Variants in NECAB3 observed in about 807,000 individuals in gnomAD.
The protein encoded by NECAB3 is N-terminal EF-hand calcium binding protein 3.
In NECAB3, 38 loss-of-function variants were observed where a neutral mutation model predicts 57.2. That is an observed-to-expected ratio of 0.66 (90% CI 0.51 to 0.87). The LOEUF is 0.87. NECAB3 is among the 40% of genes least tolerant of loss of function. NECAB3 has a pLI of 0.00. For missense variants in NECAB3, 474 were observed against 527.5 expected (o/e 0.90, Z 0.99); for synonymous variants, 223 against 222.6 (o/e 1.00, Z -0.02).
chr20:33,672,668 G>A (rs2017852913), intron 1 of NECAB3, among the ~76,000 whole-genome samples: 1 of 152,196 alleles, frequency 6.6e-6, no homozygotes. Flanking sequence ...GGCCTCGTGG[G>A]GGGTGCTCCT....
Position 33,667,078 on chromosome 20 carries a change from C to A in NECAB3, c.387+2297G>T, listed in dbSNP as rs1025193387. 8 of 169,704 alleles carry A rather than the reference C, an allele frequency of 4.7e-5. No homozygotes were observed. The East Asian group carries it at 1.1e-3, about 23-fold the overall frequency. 10.5% of individuals were successfully genotyped at this position (169,704 alleles called of 1,614,324 possible). A position where few individuals can be genotyped will look rare whatever the true frequency, so the allele number is the denominator to read the frequency against. On this transcript the variant is annotated intron_variant, in intron 5 of 11. Coordinates refer to ENST00000246190, the MANE Select transcript of NECAB3 (RefSeq NM_031232.4). ...CTTCAGCCCCGCGGCTGGGCCGAGC[C>A]CGAAGGTGGCGTCGGTGTCGGGGAG...
At chr20:33,658,667 C>G (rs1232763410) in intron 9 of NECAB3, 55 bp downstream of exon 9, 3 of 1,597,882 alleles carry the variant, frequency 1.9e-6, no homozygotes, top group Non-Finnish European at 2.6e-6. Flanking sequence ...CCCCAGCACC[C>G]CTCTCTGCTC....
chr20:33,666,824 G>A (rs1026031085), intron 5 of NECAB3: 9 of 152,368 alleles, frequency 5.9e-5, no homozygotes, highest in Admixed American at 5.2e-4. Context: ...CCGGGCCTCA[G>A]GCCTAGGAAC....
intron 5 of NECAB3, among the ~76,000 whole-genome samples, chr20:33,661,786 G>T (rs933951915): frequency 1.3e-5 from 2 of 152,272 alleles, no homozygotes; most frequent in African/African-American, 4.8e-5. Flanking sequence ...GAATAGCTAG[G>T]TTTACAGGCC....
chr20:33,669,373 A>G lies in NECAB3; in HGVS notation c.387+2T>C. The G allele has an allele frequency of 6.2e-7, 1 of 1,613,284 alleles. No individual in the cohort carries two copies. The highest frequency in any genetic ancestry group is 8.5e-7 in the Non-Finnish European group (1 of 1,179,938). ...TCCCCCACCATCAGCCACTCCACTCACCAGCTTGGTGGCATCCATGGCAGC... is the reference window on the plus strand; with the variant it reads ...TCCCCCACCATCAGCCACTCCACTCGCCAGCTTGGTGGCATCCATGGCAGC... On this transcript the variant is annotated splice_donor_variant, in intron 5 of 11. Transcript: ENST00000246190. LOFTEE classifies it high-confidence loss of function.
chr20:33,674,404 C>A lies in NECAB3; in HGVS notation c.-52G>T. The A allele has an allele frequency of 1.8e-6, 2 of 1,127,934 alleles. No individual in the cohort carries two copies. Among genetic ancestry groups the A allele is most frequent in the South Asian group, 8.6e-5 (2 of 23,332 alleles). 69.9% of individuals were successfully genotyped at this position (1,127,934 alleles called of 1,614,324 possible). On this transcript the variant is annotated 5_prime_UTR_variant, in exon 1 of 12. Transcript: ENST00000246190. ...TGCGGTTGCTGCCGACCCTGGACGC[C>A]GCGGCGGACTCGGTGTGGCTAGAGG...
chr20:33,668,258 G>T lies in NECAB3; in HGVS notation c.387+1117C>A, dbSNP rs201924890. The stretch of plus-strand genomic sequence containing the variant: ...TGAGTCAGGCTGGACTGGGGGGGGT[G>T]GCACTGCGTTGGGGGACAGCTCTCT... On this transcript the variant is annotated intron_variant, in intron 5 of 11. Transcript: ENST00000246190. 26 of 1,556,262 alleles carry T rather than the reference G, an allele frequency of 1.7e-5. No individual in the cohort carries two copies. In the African/African-American group the frequency reaches 3.3e-4, roughly 20 times the overall value.
chr20:33,673,662 G>C (rs772664821), intron 1 of NECAB3, among the ~76,000 whole-genome samples: 1 of 152,184 alleles, frequency 6.6e-6, no homozygotes, highest in Non-Finnish European at 1.5e-5. Flanking sequence ...TCCCTCTGGA[G>C]TTGGGGCATG....
chr20:33,672,298 C>T, intron 2 of NECAB3, 100 bp downstream of exon 2: 1 of 1,429,842 alleles, frequency 7.0e-7, no homozygotes, highest in Non-Finnish European at 9.9e-7. Context: ...CAAGATTTGT[C>T]TCAACTCTTG....
intron 2 of NECAB3, chr20:33,672,074 A>G (rs1279251937): frequency 7.2e-6 from 3 of 416,628 alleles, no homozygotes; most frequent in African/African-American, 6.1e-5. Flanking sequence ...TTTATGAAAT[A>G]GGGTGAATTC....
intron 5 of NECAB3, among the ~76,000 whole-genome samples, chr20:33,668,802 T>C (rs1333356005): frequency 6.6e-6 from 1 of 152,272 alleles, no homozygotes; most frequent in Non-Finnish European, 1.5e-5. Context: ...GAGATATTTC[T>C]TGAACACACA....
At chr20:33,670,650 C>T in intron 3 of NECAB3, 34 bp downstream of exon 3, 1 of 1,504,728 alleles carries the variant, frequency 6.6e-7, no homozygotes, top group South Asian at 1.2e-5. Context: ...ACAACCTGGC[C>T]TCGCATCTAC....
At chr20:33,663,708 G>C in intron 5 of NECAB3, 1 of 1,535,868 alleles carries the variant, frequency 6.5e-7, no homozygotes, top group South Asian at 1.2e-5. Context: ...TGCTGCGGCG[G>C]CAAGAGGCGC....
At chr20:33,663,315 A>C (rs1020560511) in intron 5 of NECAB3, 6 of 568,984 alleles carry the variant, frequency 1.1e-5, no homozygotes, top group Middle Eastern at 4.6e-4. Flanking sequence ...TCCAGAAAGG[A>C]GGCGGAGTCC....
At chr20:33,662,292 G>C in intron 5 of NECAB3, 2 of 1,541,728 alleles carry the variant, frequency 1.3e-6, no homozygotes, top group South Asian at 2.4e-5. Flanking sequence ...CAGGGCCCAG[G>C]GGGCAGAGCA....
At chr20:33,666,882 G>T (rs569278016) in intron 5 of NECAB3, 1 of 152,608 alleles carries the variant, frequency 6.6e-6, no homozygotes, top group South Asian at 2.1e-4. Context: ...GAAGAGGCGG[G>T]GCTTTCAGAC....
chr20:33,672,509 C>A, intron 1 of NECAB3, 87 bp from the exon 2 acceptor site: 1 of 1,517,966 alleles, frequency 6.6e-7, no homozygotes, highest in Non-Finnish European at 9.1e-7. Context: ...TCCCAGCTGG[C>A]CGACCTACCC....
Position 33,663,805 on chromosome 20 carries a change from G to A in NECAB3, c.388-3410C>T, listed in dbSNP as rs945388532. 4 of 1,396,950 alleles carry A rather than the reference G, an allele frequency of 2.9e-6. No homozygotes were observed. The African/African-American group carries it at 6.1e-5, about 21-fold the overall frequency. The allele number at this position is 1,396,950 out of a possible 1,614,324, so 86.5% of individuals were successfully genotyped here. A position where few individuals can be genotyped will look rare whatever the true frequency, so the allele number is the denominator to read the frequency against. On this transcript the variant is annotated intron_variant, in intron 5 of 11. Transcript: ENST00000246190. ...CCGGTCCCCGGGGAAGGCTCCCCGC[G>A]AAGCCGGCCCCGCCGAGGAGCAGCC...
At position 33,674,398 on chromosome 20, in the gene NECAB3, G is replaced by A; in HGVS notation, c.-46C>T. On this transcript the variant is annotated 5_prime_UTR_variant, in exon 1 of 12. Transcript: ENST00000246190. ...CTCGGCTGCGGTTGCTGCCGACCCT[G>A]GACGCCGCGGCGGACTCGGTGTGGC... 1 of 1,135,884 alleles carries A rather than the reference G, an allele frequency of 8.8e-7. No homozygotes were observed. The highest frequency in any genetic ancestry group is 1.1e-6 in the Non-Finnish European group (1 of 926,866). 70.4% of individuals were successfully genotyped at this position (1,135,884 alleles called of 1,614,324 possible). A position where few individuals can be genotyped will look rare whatever the true frequency, so the allele number is the denominator to read the frequency against.
Sources: allele counts gnomAD v4.1 joint callset (sites outside exome capture counted in the v4.1 genomes callset), GRCh38; gene constraint gnomAD v4.1.1; transcripts MANE v1.5; gene names NCBI Gene and HGNC (gene_info 2026-07-23, HGNC 2026-07-21).